Variants in PLEKHM3 observed in about 807,000 individuals in gnomAD.
PLEKHM3 encodes pleckstrin homology domain containing M3, also known as pleckstrin homology domain-containing family M member 3.
A neutral mutation model predicts 81.8 loss-of-function variants in PLEKHM3; 45 were observed. The ratio of observed to expected loss-of-function variants is 0.55; its 90% CI spans 0.43 to 0.71. The LOEUF (loss-of-function observed/expected upper bound fraction) is 0.71. PLEKHM3 is among the 30% of genes least tolerant of loss of function. The pLI is 0.00. For synonymous variants in PLEKHM3, 352 were observed against 356.4 expected (o/e 0.99, Z 0.14); for missense variants, 788 against 924.3 (o/e 0.85, Z 1.91).
At position 207,946,429 on chromosome 2, in the gene PLEKHM3, C is replaced by G. The variant is rs1428543134; in HGVS notation, c.1630G>C (p.Val544Leu). Residue 544 changes from valine to leucine, a missense_variant, in exon 4 of 8, where the codon GTG (valine) becomes CTG (leucine). Transcript: ENST00000427836. ...SGWYYCSSCH[V>L]DDSFLIPARI... The stretch of plus-strand genomic sequence containing the variant: ...GCTGGAATGAGAAAGCTGTCATCCA[C>G]GTGGCAGCTACTGCAGTAATACCAC... The G allele has an allele frequency of 1.2e-6, 2 of 1,614,018 alleles. No individual in the cohort carries two copies. The highest frequency in any genetic ancestry group is 1.7e-6 in the Non-Finnish European group (2 of 1,179,992).
chr2:207,885,959 G>C (rs1687873557), intron 6 of PLEKHM3, among the ~76,000 whole-genome samples: 1 of 152,104 alleles, frequency 6.6e-6, no homozygotes, highest in African/African-American at 2.4e-5. Flanking sequence ...AGGCAACTGG[G>C]AAGAATCATA....
rs183484632 is a variant in PLEKHM3, at chr2:207,832,251, T to C, written c.2109-3755A>G. 2.6e-3 allele frequency among the ~76,000 whole-genome samples: 395 copies of C among 152,264 alleles called. 2 individuals carry two copies. The highest frequency in any genetic ancestry group is 9.2e-3 in the African/African-American group (381 of 41,552). ...CCAGCAGGTATCTTTTAAACTGTAGTATGGATAGATTGATCAATGACTTTC... is the reference window on the plus strand; with the variant it reads ...CCAGCAGGTATCTTTTAAACTGTAGCATGGATAGATTGATCAATGACTTTC... On this transcript the variant is annotated intron_variant, in intron 7 of 7. Coordinates refer to ENST00000427836, the MANE Select transcript of PLEKHM3 (RefSeq NM_001080475.3).
chr2:207,864,468 C>G (rs1212380241), intron 6 of PLEKHM3, among the ~76,000 whole-genome samples: 1 of 152,156 alleles, frequency 6.6e-6, no homozygotes, highest in Admixed American at 6.5e-5. Flanking sequence ...TCTAAACAAC[C>G]AAACTTAATG....
chr2:207,981,552 G>A (rs1691524528), intron 2 of PLEKHM3, among the ~76,000 whole-genome samples: 1 of 152,074 alleles, frequency 6.6e-6, no homozygotes, highest in Non-Finnish European at 1.5e-5. Flanking sequence ...TTACTCTGTT[G>A]CCCCAGCTGG....
chr2:207,965,073 C>T (rs1374531608), intron 3 of PLEKHM3, among the ~76,000 whole-genome samples: 1 of 152,148 alleles, frequency 6.6e-6, no homozygotes, highest in East Asian at 1.9e-4. Context: ...ATTTTAGAAA[C>T]TCTCAAGTAG....
intron 2 of PLEKHM3, among the ~76,000 whole-genome samples, chr2:207,986,433 T>C (rs1691722248): frequency 6.6e-6 from 1 of 152,182 alleles, no homozygotes; most frequent in Non-Finnish European, 1.5e-5. Context: ...ATCCAGGCTA[T>C]AGTAAGCTGA....
intron 1 of PLEKHM3, among the ~76,000 whole-genome samples, chr2:208,007,786 T>G (rs895225778): frequency 2.0e-5 from 3 of 152,012 alleles, no homozygotes; most frequent in Non-Finnish European, 2.9e-5. Flanking sequence ...CCGGGCGCAG[T>G]GGCTCATGCC....
At chr2:208,011,555 G>T (rs1481348347) in intron 1 of PLEKHM3, among the ~76,000 whole-genome samples, 2 of 151,994 alleles carry the variant, frequency 1.3e-5, no homozygotes, top group Non-Finnish European at 2.9e-5. Context: ...TGGGAGCTAA[G>T]CTATGAGGAT....
chr2:207,833,318 T>C (rs1236516808), intron 7 of PLEKHM3, among the ~76,000 whole-genome samples: 1 of 152,174 alleles, frequency 6.6e-6, no homozygotes, highest in South Asian at 2.1e-4. Flanking sequence ...GTGTGATACA[T>C]GAAATGAAAG....
chr2:207,978,012 G>A (rs1308382784), intron 2 of PLEKHM3, among the ~76,000 whole-genome samples: 4 of 152,272 alleles, frequency 2.6e-5, no homozygotes, highest in South Asian at 2.1e-4. Flanking sequence ...ACTTCAGCCT[G>A]GAGGTTGGAG....
intron 4 of PLEKHM3, among the ~76,000 whole-genome samples, chr2:207,943,291 A>T (rs1043196062): frequency 6.6e-6 from 1 of 152,250 alleles, no homozygotes; most frequent in African/African-American, 2.4e-5. Flanking sequence ...TATACCCCAT[A>T]AACATGTACA....
chr2:208,022,273 G>A (rs113426082), intron 1 of PLEKHM3, among the ~76,000 whole-genome samples: 35 of 152,272 alleles, frequency 2.3e-4, no homozygotes, highest in African/African-American at 8.2e-4. Flanking sequence ...TTTTCTTTCT[G>A]TATTAGTTTT....
chr2:207,955,504 T>C (rs1690473217), intron 3 of PLEKHM3, among the ~76,000 whole-genome samples: 1 of 152,264 alleles, frequency 6.6e-6, no homozygotes, highest in Admixed American at 6.5e-5. Flanking sequence ...GGCACTGTCA[T>C]AACTACTTTA....
At chr2:207,930,181 C>A (rs1270503313) in intron 5 of PLEKHM3, among the ~76,000 whole-genome samples, 2 of 152,162 alleles carry the variant, frequency 1.3e-5, no homozygotes, top group Non-Finnish European at 2.9e-5. Flanking sequence ...GGAAAGCAGC[C>A]TGCACCCACG....
intron 7 of PLEKHM3, among the ~76,000 whole-genome samples, chr2:207,842,218 G>A (rs1025796570): frequency 6.6e-6 from 1 of 152,236 alleles, no homozygotes; most frequent in Non-Finnish European, 1.5e-5. Context: ...ACAGGCATGA[G>A]CCACCGCGCC....
intron 1 of PLEKHM3, among the ~76,000 whole-genome samples, chr2:208,003,034 C>T (rs1335270549): frequency 3.9e-5 from 6 of 152,152 alleles, no homozygotes; most frequent in African/African-American, 1.4e-4. Context: ...GTGTCCCAAC[C>T]CAAACCTCAT....
intron 7 of PLEKHM3, among the ~76,000 whole-genome samples, chr2:207,844,303 CTT>C (rs377510756): frequency 0.29 from 36,303 of 124,708 alleles, 3,974 homozygotes; most frequent in Middle Eastern, 0.34. Flanking sequence ...ATTTATTTTT[CTT>C]TTTTTTTTTT....
At chr2:207,927,372 C>CAGGT (rs1198638996) in intron 5 of PLEKHM3, among the ~76,000 whole-genome samples, 1 of 151,734 alleles carries the variant, frequency 6.6e-6, no homozygotes, top group Non-Finnish European at 1.5e-5. Flanking sequence ...AAAAATTAGC[C>CAGGT]AGGTGTGGTG....
At chr2:207,842,295 T>C (rs2092359254) in intron 7 of PLEKHM3, among the ~76,000 whole-genome samples, 1 of 152,204 alleles carries the variant, frequency 6.6e-6, no homozygotes, top group Non-Finnish European at 1.5e-5. Flanking sequence ...ACCTGTATAA[T>C]AAACACCTCA....
Sources: gnomAD v4.1 joint callset for allele counts (sites outside exome capture counted in the v4.1 genomes callset) on GRCh38, gnomAD v4.1.1 for gene constraint, MANE v1.5 for transcripts, NCBI Gene and HGNC (gene_info 2026-07-23, HGNC 2026-07-21) for gene names.